Variants in BDNF observed in about 807,000 individuals in gnomAD.
BDNF encodes neurotrophic factor BDNF precursor form.
A neutral mutation model predicts 19.5 loss-of-function variants in BDNF; 1 was observed. That is an observed-to-expected ratio of 0.05 (90% CI 0.02 to 0.24). The LOEUF (loss-of-function observed/expected upper bound fraction) is 0.24. Among genes scored for constraint, BDNF ranks in the 10% least tolerant of loss-of-function variants. The pLI is 1.00. For missense variants in BDNF, 195 were observed against 317.6 expected, an observed-to-expected ratio of 0.61 and a Z score of 2.93; for synonymous variants, 100 against 121.6, an observed-to-expected ratio of 0.82 and a Z score of 1.17.
At chr11:27,718,356 C>CA (rs1564998737) in intron 1 of BDNF, among the ~76,000 whole-genome samples, 14 of 141,460 alleles carry the variant, frequency 9.9e-5, no homozygotes, top group East Asian at 6.7e-4. Context: ...CGCACACCAC[C>CA]CCCCCCCGCC....
At chr11:27,708,497 A>T (rs914861109) in intron 1 of BDNF, among the ~76,000 whole-genome samples, 1 of 151,464 alleles carries the variant, frequency 6.6e-6, no homozygotes, top group Non-Finnish European at 1.5e-5. Flanking sequence ...TTTTTTTCTA[A>T]TTTTTTTTTA....
At chr11:27,684,459 G>T (rs536646046) in intron 1 of BDNF, among the ~76,000 whole-genome samples, 1 of 152,300 alleles carries the variant, frequency 6.6e-6, no homozygotes, top group African/African-American at 2.4e-5. Flanking sequence ...TGGTGACAGA[G>T]GGCATCCTTG....
At chr11:27,713,783 A>G (rs1405281133) in intron 1 of BDNF, among the ~76,000 whole-genome samples, 1 of 152,224 alleles carries the variant, frequency 6.6e-6, no homozygotes, top group African/African-American at 2.4e-5. Flanking sequence ...ACTTTGACAA[A>G]GTACATTTTA....
intron 1 of BDNF, among the ~76,000 whole-genome samples, chr11:27,710,221 G>C (rs547572655): frequency 1.3e-5 from 2 of 152,266 alleles, no homozygotes; most frequent in Admixed American, 1.3e-4. Context: ...TTACTTATAT[G>C]CCTTTGGCAG....
intron 1 of BDNF, among the ~76,000 whole-genome samples, chr11:27,664,549 C>T (rs933021072): frequency 7.2e-5 from 11 of 152,000 alleles, no homozygotes; most frequent in African/African-American, 2.7e-4. Flanking sequence ...GAGGCCGAGG[C>T]GGGAGGATCA....
intron 1 of BDNF, among the ~76,000 whole-genome samples, chr11:27,712,923 CTTTCTTTT>C (rs1439546165): frequency 8.5e-5 from 11 of 129,400 alleles, no homozygotes; most frequent in Admixed American, 1.6e-4. Context: ...TTCTTTCTTT[CTTTCTTTT>C]TTTTTTTTTT....
At position 27,657,735 on chromosome 11, in the gene BDNF, T is replaced by G; in HGVS notation, c.*86A>C. The G allele has an allele frequency of 6.4e-7, 1 of 1,568,350 alleles. No homozygotes were observed. The highest frequency in any genetic ancestry group is 8.6e-7 in the Non-Finnish European group (1 of 1,161,524). On this transcript the variant is annotated 3_prime_UTR_variant, in exon 2 of 2. Transcript: ENST00000356660. The surrounding 1 kb of genome is among the most constrained non-coding windows in gnomAD (Gnocchi z 5.0). ...TGCAGTTCATAAAATTATTTTTTTC[T>G]TAACTGAATAATTTACCCTGTTATG...
chr11:27,701,389 CG>C (rs1859887733), upstream of BDNF: 1 of 1,034,554 alleles, frequency 9.7e-7, no homozygotes, highest in Admixed American at 4.9e-5. Flanking sequence ...TATTTTTTCA[CG>C]TTCCCTTCGC....
At chr11:27,716,456 GACACACACACACAC>G (rs61227267) in intron 1 of BDNF, among the ~76,000 whole-genome samples, 3 of 146,824 alleles carry the variant, frequency 2.0e-5, no homozygotes, top group African/African-American at 7.6e-5. Context: ...CACACACACA[GACACACACACACAC>G]ACACACACAC....
chr11:27,700,824 G>A, upstream of BDNF: 1 of 1,227,522 alleles, frequency 8.1e-7, no homozygotes. Context: ...CAGAAACCCC[G>A]GCTGTGGGCG....
rs771802172 is a variant in BDNF, at chr11:27,658,142, A to G, written c.423T>C (p.Cys141=). ...DPARRGELSV[C]DSISEWVTAA... ...CCGTTACCCACTCACTAATACTGTC[A>G]CACACGCTCAGCTCCCCTCGGCGGG... Residue 141 remains cysteine, a synonymous_variant, in exon 2 of 2, where the codon TGT becomes TGC. Transcript: ENST00000356660. The surrounding 1 kb of genome is among the most constrained non-coding windows in gnomAD (Gnocchi z 5.7). The G allele has an allele frequency of 3.7e-6, 6 of 1,614,042 alleles. No individual in the cohort carries two copies. In the East Asian group the frequency reaches 1.3e-4, roughly 36 times the overall value.
intron 1 of BDNF, among the ~76,000 whole-genome samples, chr11:27,692,639 G>A (rs777932706): frequency 8.5e-5 from 13 of 152,132 alleles, no homozygotes; most frequent in Non-Finnish European, 1.6e-4. Flanking sequence ...CACCACACCA[G>A]ACCTCTTTTT....
upstream of BDNF, chr11:27,701,323 AC>A: frequency 8.9e-7 from 1 of 1,119,970 alleles, no homozygotes; most frequent in Non-Finnish European, 1.1e-6. Flanking sequence ...TGTCAAAGTA[AC>A]CATCAAGGCA....
intron 1 of BDNF, chr11:27,674,295 T>A: frequency 6.4e-7 from 1 of 1,553,572 alleles, no homozygotes; most frequent in Non-Finnish European, 8.7e-7. Context: ...CCAGTTGTCC[T>A]TCGGGTTATT....
chr11:27,693,852 C>A (rs1326089322), intron 1 of BDNF, among the ~76,000 whole-genome samples: 1 of 152,172 alleles, frequency 6.6e-6, no homozygotes, highest in South Asian at 2.1e-4. Context: ...GATAGCAACT[C>A]CAAAACCAAG....
At chr11:27,707,845 T>TG (rs1273163776) in intron 1 of BDNF, among the ~76,000 whole-genome samples, 1 of 152,072 alleles carries the variant, frequency 6.6e-6, no homozygotes, top group Non-Finnish European at 1.5e-5. Context: ...GACCTGGGAA[T>TG]GGGGGGTGGT....
At chr11:27,700,878 T>A, upstream of BDNF, 1 of 1,287,842 alleles carries the variant, frequency 7.8e-7, no homozygotes, top group Non-Finnish European at 1.0e-6. Context: ...CCCCGAGGTC[T>A]CGCTCCCCTA....
At chr11:27,665,337 ACAGCCCC>A (rs2133842180) in intron 1 of BDNF, 1 of 152,468 alleles carries the variant, frequency 6.6e-6, no homozygotes, top group South Asian at 2.1e-4. Context: ...GCTCCAGTCT[ACAGCCCC>A]CAGCGTGAGT....
At chr11:27,693,040 C>G (rs1229922914) in intron 1 of BDNF, among the ~76,000 whole-genome samples, 1 of 152,184 alleles carries the variant, frequency 6.6e-6, no homozygotes, top group Non-Finnish European at 1.5e-5. Context: ...TCCCCTCAAC[C>G]ATTGCTCACA....
Sources: allele counts gnomAD v4.1 joint callset (sites outside exome capture counted in the v4.1 genomes callset), GRCh38; gene constraint gnomAD v4.1.1; non-coding constraint Gnocchi (gnomAD v3.1); transcripts MANE v1.5; gene names NCBI Gene and HGNC (gene_info 2026-07-23, HGNC 2026-07-21).